ANKFN1: variants seen among roughly 807,000 people sequenced by gnomAD.
ANKFN1 encodes ankyrin repeat and fibronectin type-III domain-containing protein 1.
Under a neutral mutation model 108.7 loss-of-function variants are expected in ANKFN1, and 74 were observed. That is an observed-to-expected ratio of 0.68 (90% CI 0.56 to 0.83). ANKFN1 has a LOEUF of 0.83. Ranked by LOEUF, ANKFN1 falls within the 40% of genes least tolerant of loss-of-function variation. ANKFN1 has a pLI of 0.00. For missense variants in ANKFN1, 1,505 were observed against 1,382.3 expected (o/e 1.09, Z -1.41); for synonymous variants, 547 against 516.2 (o/e 1.06, Z -0.81).
intron 4 of ANKFN1, among the ~76,000 whole-genome samples, chr17:56,346,977 G>A (rs1197735409): frequency 6.6e-6 from 1 of 151,794 alleles, no homozygotes; most frequent in Non-Finnish European, 1.5e-5. Flanking sequence ...TAAATTCCCT[G>A]AGTTTATTTT....
intron 4 of ANKFN1, among the ~76,000 whole-genome samples, chr17:56,061,454 G>C (rs1027067149): frequency 2.6e-5 from 4 of 151,590 alleles, no homozygotes; most frequent in Non-Finnish European, 5.9e-5. Flanking sequence ...TGTATTTTTA[G>C]TAGAGACAGT....
intron 17 of ANKFN1, among the ~76,000 whole-genome samples, chr17:56,481,212 A>G (rs2145369262): frequency 6.6e-6 from 1 of 152,292 alleles, no homozygotes; most frequent in East Asian, 1.9e-4. Context: ...TGATTTCTCT[A>G]AGAATAGAAG....
upstream of ANKFN1, among the ~76,000 whole-genome samples, chr17:56,149,726 G>A (rs1908481826): frequency 6.6e-6 from 1 of 152,316 alleles, no homozygotes; most frequent in East Asian, 1.9e-4. Flanking sequence ...TATGCTTGAG[G>A]CCAGTGAGAA....
chr17:56,179,621 G>C (rs1911498820), intron 1 of ANKFN1, among the ~76,000 whole-genome samples: 1 of 152,162 alleles, frequency 6.6e-6, no homozygotes, highest in Non-Finnish European at 1.5e-5. Context: ...AGGAAGAAAG[G>C]CCATCTGAGG....
Position 56,477,658 on chromosome 17 carries a change from A to G in ANKFN1, c.1940+4A>G. On this transcript the variant is annotated splice_donor_region_variant and intron_variant, in intron 16 of 20. Coordinates refer to ENST00000682825, the MANE Select transcript of ANKFN1 (RefSeq NM_001370326.1). ...GTGAAAACAATAATATTTCTAGGTA[A>G]GTGATCAGGAGTTAAGATTTTCCTT... The G allele has an allele frequency of 6.2e-7, 1 of 1,611,656 alleles. No individual in the cohort carries two copies. Among genetic ancestry groups the G allele is most frequent in the Admixed American group, 1.7e-5 (1 of 59,590 alleles).
At chr17:56,300,308 A>C (rs964492786) in intron 3 of ANKFN1, among the ~76,000 whole-genome samples, 2 of 152,228 alleles carry the variant, frequency 1.3e-5, no homozygotes, top group African/African-American at 4.8e-5. Flanking sequence ...ATGAGGGCAC[A>C]GGGCAAAACC....
upstream of ANKFN1, among the ~76,000 whole-genome samples, chr17:56,150,315 T>TA (rs1379822382): frequency 6.6e-6 from 1 of 152,176 alleles, no homozygotes; most frequent in Non-Finnish European, 1.5e-5. Flanking sequence ...CTCTTAAAAA[T>TA]ATGAAAAGAC....
intron 8 of ANKFN1, among the ~76,000 whole-genome samples, chr17:56,411,618 G>C (rs2144995625): frequency 6.6e-6 from 1 of 152,278 alleles, no homozygotes; most frequent in South Asian, 2.1e-4. Flanking sequence ...GACATTAGCT[G>C]TCGGCTTGTT....
At chr17:56,240,245 C>T (rs1423091490) in intron 3 of ANKFN1, among the ~76,000 whole-genome samples, 1 of 152,092 alleles carries the variant, frequency 6.6e-6, no homozygotes, top group African/African-American at 2.4e-5. Context: ...TATCAGTGAG[C>T]AATATCCGTC....
intron 4 of ANKFN1, among the ~76,000 whole-genome samples, chr17:56,079,511 G>A (rs1905220090): frequency 6.6e-6 from 1 of 152,180 alleles, no homozygotes; most frequent in Non-Finnish European, 1.5e-5. Context: ...GCCAGGCACA[G>A]TCAAAATAAG....
At chr17:56,263,045 C>T (rs1206647430) in intron 3 of ANKFN1, among the ~76,000 whole-genome samples, 2 of 152,154 alleles carry the variant, frequency 1.3e-5, no homozygotes, top group East Asian at 3.9e-4. Flanking sequence ...CACAGAGGCA[C>T]GAATATATGC....
chr17:56,098,030 G>A (rs1905565551), intron 4 of ANKFN1, among the ~76,000 whole-genome samples: 1 of 152,164 alleles, frequency 6.6e-6, no homozygotes, highest in Non-Finnish European at 1.5e-5. Context: ...TCTTGGGTGG[G>A]CTCTAAATGC....
At chr17:56,480,899 G>A in intron 17 of ANKFN1, 81 bp downstream of exon 17, 1 of 1,299,858 alleles carries the variant, frequency 7.7e-7, no homozygotes, top group Non-Finnish European at 1.0e-6. Context: ...GTGTGTGTGT[G>A]TGTGTGTGTG....
intron 5 of ANKFN1, among the ~76,000 whole-genome samples, chr17:56,352,236 C>T (rs903799308): frequency 6.6e-6 from 1 of 152,144 alleles, no homozygotes; most frequent in African/African-American, 2.4e-5. Flanking sequence ...CCCTGGGTCC[C>T]CATTGTCAAA....
intron 8 of ANKFN1, among the ~76,000 whole-genome samples, chr17:56,408,925 A>ATTT (rs551085325): frequency 1.9e-4 from 27 of 143,094 alleles, no homozygotes; most frequent in Non-Finnish European, 1.5e-4. Context: ...TGCTTTTAAG[A>ATTT]TTTTTTTTTT....
At chr17:56,460,080 G>T (rs1374157838) in intron 14 of ANKFN1, among the ~76,000 whole-genome samples, 1 of 149,298 alleles carries the variant, frequency 6.7e-6, no homozygotes, top group South Asian at 2.1e-4. Context: ...CACAAAAAAG[G>T]GCTGACTGGT....
intron 8 of ANKFN1, among the ~76,000 whole-genome samples, chr17:56,406,103 G>A (rs1047832789): frequency 6.6e-6 from 1 of 152,068 alleles, no homozygotes; most frequent in African/African-American, 2.4e-5. Context: ...AAAAGGCAAT[G>A]GGAAAAAATA....
At chr17:56,431,973 GA>G (rs2048771850) in intron 8 of ANKFN1, among the ~76,000 whole-genome samples, 1 of 152,108 alleles carries the variant, frequency 6.6e-6, no homozygotes, top group South Asian at 2.1e-4. Flanking sequence ...TGGCTCTGCT[GA>G]AAACAAAACA....
At chr17:56,135,009 G>C (rs1018167647) in intron 4 of ANKFN1, among the ~76,000 whole-genome samples, 1 of 152,120 alleles carries the variant, frequency 6.6e-6, no homozygotes, top group African/African-American at 2.4e-5. Context: ...ATGCGGTGAA[G>C]AGGTTGAGCC....
Sources: allele counts gnomAD v4.1 joint callset (sites outside exome capture counted in the v4.1 genomes callset), GRCh38; gene constraint gnomAD v4.1.1; transcripts MANE v1.5; gene names NCBI Gene and HGNC (gene_info 2026-07-23, HGNC 2026-07-21).